The following GBP3 variants were observed in gnomAD, a reference collection of about 807,000 sequenced individuals.
GBP3 encodes guanylate-binding protein 3.
In GBP3, 55 loss-of-function variants were observed where a neutral mutation model predicts 62.4. The observed-to-expected ratio is 0.88, with a 90% CI of 0.71 to 1.10. The LOEUF is 1.10. Ranked by LOEUF, GBP3 falls within the 50% of genes least tolerant of loss-of-function variation. The pLI is 0.00. For synonymous variants in GBP3, 208 were observed against 259.2 expected (o/e 0.80, Z 1.90); for missense variants, 605 against 690.6 (o/e 0.88, Z 1.39).
intron 9 of GBP3, 90 bp from the exon 10 acceptor site, chr1:89,009,230 A>T: frequency 7.1e-7 from 1 of 1,417,416 alleles, no homozygotes; most frequent in South Asian, 1.2e-5. Flanking sequence ...TGCTGACTGC[A>T]TATGCCCTAC....
chr1:89,011,599 T>G lies in GBP3; in HGVS notation c.1149+148A>C, dbSNP rs1375990110. 27 of 1,025,114 alleles carry G rather than the reference T, an allele frequency of 2.6e-5. 8 individuals carry two copies. The highest frequency in any genetic ancestry group is 3.5e-5 in the Non-Finnish European group (25 of 719,016). 63.5% of individuals were successfully genotyped at this position (1,025,114 alleles called of 1,614,324 possible). A position where few individuals can be genotyped will look rare whatever the true frequency, so the allele number is the denominator to read the frequency against. Reference sequence around the variant, plus strand: ...GAGTCTGAAGTAATAAAATTGTTTTTGTCTGATTATTATGATTACCAAGAA... The same window carrying G: ...GAGTCTGAAGTAATAAAATTGTTTTGGTCTGATTATTATGATTACCAAGAA... On this transcript the variant is annotated intron_variant, in intron 7 of 10. Transcript: ENST00000370481.
In GBP3 at chr1:89,013,767, G is replaced by A. The variant is rs149357334; in HGVS notation, c.625+316C>T. 1.8e-3 allele frequency: 727 copies of A among 400,778 alleles called. 2 individuals carry two copies. The highest frequency in any genetic ancestry group is 0.013 in the African/African-American group (627 of 49,050). 24.8% of individuals were successfully genotyped at this position (400,778 alleles called of 1,614,324 possible). A position where few individuals can be genotyped will look rare whatever the true frequency, so the allele number is the denominator to read the frequency against. On this transcript the variant is annotated intron_variant, in intron 5 of 10. Transcript: ENST00000370481. Reference sequence around the variant, plus strand: ...ATTTTACAGGTAAATACAGAATCACGAACCCTACATAAGGAGATAAAATTT... The same window carrying A: ...ATTTTACAGGTAAATACAGAATCACAAACCCTACATAAGGAGATAAAATTT...
chr1:89,019,699 A>T (rs1451714288), intron 2 of GBP3, among the ~76,000 whole-genome samples: 1 of 152,226 alleles, frequency 6.6e-6, no homozygotes, highest in Non-Finnish European at 1.5e-5. Flanking sequence ...TAACATTCCT[A>T]GAGTAGTCAA....
intron 2 of GBP3, among the ~76,000 whole-genome samples, chr1:89,018,319 A>G (rs972921498): frequency 2.0e-5 from 3 of 152,146 alleles, no homozygotes; most frequent in African/African-American, 7.2e-5. Context: ...TATCCCAGAA[A>G]AGCAGATGTT....
In GBP3 at chr1:89,014,735, A is replaced by G; in HGVS notation, c.319-79T>C. 10 of 1,558,840 alleles carry G rather than the reference A, an allele frequency of 6.4e-6. No homozygotes were observed. The South Asian group carries it at 8.1e-5, about 13-fold the overall frequency. ...TCCAGAGTGACAGTAGTAAAAGTAT[A>G]TCATAAGTTAGAGTTTTCTTTTAAG... On this transcript the variant is annotated intron_variant, in intron 3 of 10. Coordinates refer to ENST00000370481, the MANE Select transcript of GBP3 (RefSeq NM_018284.3).
rs1476181034 is a variant in GBP3, at chr1:89,007,765, T to C, written c.1747A>G (p.Lys583Glu). ...TGCGACATATATCTCTTGGTTTTTT[T>C]TTTCAGGGTCTTCTGTAGCTTTTGT... ...EIQKLQKTLK[K>E]KTKRYMSHKL... Residue 583 changes from lysine to glutamate, a missense_variant, in exon 11 of 11, where the codon AAA (lysine) becomes GAA (glutamate). Coordinates refer to ENST00000370481, the MANE Select transcript of GBP3 (RefSeq NM_018284.3). 1.2e-6 allele frequency: 2 copies of C among 1,613,782 alleles called. No homozygotes were observed. Among genetic ancestry groups the C allele is most frequent in the East Asian group, 2.2e-5 (1 of 44,864 alleles).
At position 89,007,518 on chromosome 1, in the gene GBP3, G is replaced by T. The variant is rs1678282307; in HGVS notation, c.*206C>A. 8.2e-6 allele frequency: 4 copies of T among 490,026 alleles called. No individual in the cohort carries two copies. The highest frequency in any genetic ancestry group is 3.5e-5 in the East Asian group (1 of 28,208). 30.4% of individuals were successfully genotyped at this position (490,026 alleles called of 1,614,324 possible). On this transcript the variant is annotated 3_prime_UTR_variant, in exon 11 of 11. Transcript: ENST00000370481. ...GGCAACTCATGATCCCTCCTCTGTTGGTACAGAGGTAAATGCATCTTTGTT... is the reference window on the plus strand; with the variant it reads ...GGCAACTCATGATCCCTCCTCTGTTTGTACAGAGGTAAATGCATCTTTGTT...
chr1:89,009,237 C>G, intron 9 of GBP3, 97 bp from the exon 10 acceptor site: 1 of 1,395,794 alleles, frequency 7.2e-7, no homozygotes. Context: ...TGCATATGCC[C>G]TACTCAGAGA....
At position 89,020,679 on chromosome 1, in the gene GBP3, C is replaced by T. The variant is rs1679139265; in HGVS notation, c.43G>A (p.Glu15Lys). 7 of 1,614,126 alleles carry T rather than the reference C, an allele frequency of 4.3e-6. No individual in the cohort carries two copies. The highest frequency in any genetic ancestry group is 4.5e-5 in the East Asian group (2 of 44,878). Residue 15 changes from glutamate (E) to lysine (K), a missense_variant, in exon 2 of 11, where the codon GAG becomes AAG. Coordinates refer to ENST00000370481, the MANE Select transcript of GBP3 (RefSeq NM_018284.3). ...IHMTGPMCLI[E>K]NTNGELVANP... ...GCCACCAGTTCCCCATTAGTGTTCT[C>T]AATGAGGCACATTGGGCCTGTCATG...
intron 3 of GBP3, 50 bp downstream of exon 3, chr1:89,015,237 A>G: frequency 6.6e-7 from 1 of 1,504,358 alleles, no homozygotes. Flanking sequence ...TGGTGCTTAA[A>G]ATATTCAGAG....
intron 1 of GBP3, among the ~76,000 whole-genome samples, chr1:89,021,491 A>C (rs1679187043): frequency 7.8e-6 from 1 of 128,718 alleles, no homozygotes; most frequent in African/African-American, 3.2e-5. Flanking sequence ...GTTGCTAAGA[A>C]ACACGCATGC....
intron 2 of GBP3, among the ~76,000 whole-genome samples, chr1:89,015,906 C>T (rs1678865696): frequency 6.6e-6 from 1 of 152,098 alleles, no homozygotes; most frequent in Admixed American, 6.5e-5. Flanking sequence ...CCCACTTTTG[C>T]CACTTCTTTT....
At chr1:89,013,759 A>G (rs1263426152) in intron 5 of GBP3, 2 of 403,094 alleles carry the variant, frequency 5.0e-6, no homozygotes, top group Non-Finnish European at 8.8e-6. Context: ...AGGTAAATAC[A>G]GAATCACGAA....
Position 89,007,780 on chromosome 1 carries a change from G to T in GBP3, c.1732C>A (p.Gln578Lys), listed in dbSNP as rs776263065. Reference protein sequence around the residue: ...TQLQNEIQKLQKTLKKKTKRY... With the variant: ...TQLQNEIQKLKKTLKKKTKRY... The stretch of plus-strand genomic sequence containing the variant: ...TTGGTTTTTTTTTTCAGGGTCTTCT[G>T]TAGCTTTTGTATCTCATTTTGAAGT... Residue 578 changes from glutamine (Q) to lysine (K), a missense_variant, in exon 11 of 11, where the codon CAG (glutamine) becomes AAG (lysine). Coordinates refer to ENST00000370481, the MANE Select transcript of GBP3 (RefSeq NM_018284.3). The T allele has an allele frequency of 5.7e-5, 92 of 1,612,322 alleles. 1 individual carries two copies. Among genetic ancestry groups the T allele is most frequent in the Non-Finnish European group, 6.8e-5 (80 of 1,179,052 alleles).
intron 5 of GBP3, chr1:89,013,854 A>C (rs1002867158): frequency 3.9e-6 from 2 of 510,764 alleles, no homozygotes; most frequent in Non-Finnish European, 6.8e-6. Context: ...ACACAGGAGA[A>C]TATAATTTAA....
At chr1:89,012,097 C>G in intron 6 of GBP3, 70 bp from the exon 7 acceptor site, 1 of 1,318,958 alleles carries the variant, frequency 7.6e-7, no homozygotes, top group South Asian at 1.3e-5. Flanking sequence ...TAATTCTGAA[C>G]ATGTCAATTT....
chr1:89,019,272 G>A (rs184655172), intron 2 of GBP3, among the ~76,000 whole-genome samples: 38 of 152,260 alleles, frequency 2.5e-4, no homozygotes, highest in Admixed American at 3.9e-4. Flanking sequence ...ACTTAGCCTT[G>A]AAAAGGAAGA....
Position 89,013,404 on chromosome 1 carries a change from A to T in GBP3, c.649T>A (p.Phe217Ile). 6.2e-7 allele frequency: 1 copy of T among 1,611,430 alleles called. No homozygotes were observed. Among genetic ancestry groups the T allele is most frequent in the Admixed American group, 1.7e-5 (1 of 59,452 alleles). Reference sequence around the variant, plus strand: ...CGGATACAGAGTCGGGGCAGATTAAAATTTTTATCTTTTTGACTGGTACCT... The same window carrying T: ...CGGATACAGAGTCGGGGCAGATTAATATTTTTATCTTTTTGACTGGTACCT... ...TQGTSQKDKNFNLPRLCIRKF... is the reference protein window; with the variant it reads ...TQGTSQKDKNINLPRLCIRKF... The change falls in exon 6 of 11, where the codon TTT (phenylalanine) becomes ATT (isoleucine). Residue 217 changes from phenylalanine (F) to isoleucine (I), a missense_variant. Physicochemically the swap from Phe to Ile is conservative, Grantham distance 21. Around this residue, in one of 3 missense-constraint regions of GBP3, gnomAD observed 308 missense variants for 318.0 expected, o/e 0.97. Coordinates refer to ENST00000370481, the MANE Select transcript of GBP3 (RefSeq NM_018284.3).
intron 8 of GBP3, among the ~76,000 whole-genome samples, chr1:89,009,775 T>C (rs1241267598): frequency 6.6e-6 from 1 of 152,118 alleles, no homozygotes; most frequent in Non-Finnish European, 1.5e-5. Flanking sequence ...TGTGGTTCCA[T>C]ATGGGCTGAG....
Sources: allele counts gnomAD v4.1 joint callset (sites outside exome capture counted in the v4.1 genomes callset), GRCh38; gene constraint gnomAD v4.1.1; regional missense constraint gnomAD v4.1.1; transcripts MANE v1.5; gene names NCBI Gene and HGNC (gene_info 2026-07-23, HGNC 2026-07-21).